Variants in CDH23 observed in about 807,000 individuals in gnomAD.
CDH23 encodes the protein cadherin related 23.
A neutral mutation model predicts 317.1 loss-of-function variants in CDH23; 189 were observed. The ratio of observed to expected loss-of-function variants is 0.60; its 90% CI spans 0.53 to 0.67. The LOEUF is 0.67. CDH23 is among the 30% of genes least tolerant of loss of function. CDH23 has a pLI of 0.00. For synonymous variants in CDH23, 1,839 were observed against 1,876.8 expected (o/e 0.98, Z 0.52); for missense variants, 4,401 against 4,592.4 (o/e 0.96, Z 1.20).
chr10:71,553,807 G>T (rs1030396343), intron 6 of CDH23, among the ~76,000 whole-genome samples: 1 of 152,242 alleles, frequency 6.6e-6, no homozygotes, highest in Non-Finnish European at 1.5e-5. Context: ...ATAGATCTGG[G>T]TACAAAGAGC....
chr10:71,800,598 A>C, intron 52 of CDH23, 38 bp from the exon 53 acceptor site: 1 of 1,603,606 alleles, frequency 6.2e-7, no homozygotes, highest in Non-Finnish European at 8.5e-7. Context: ...ATATCTTTTG[A>C]ATGATTGAAG....
At chr10:71,496,714 A>G (rs970770130) in intron 3 of CDH23, among the ~76,000 whole-genome samples, 1 of 152,196 alleles carries the variant, frequency 6.6e-6, no homozygotes, top group African/African-American at 2.4e-5. Context: ...AGAAATCATC[A>G]AGACCCTGGA....
chr10:71,779,193 A>T, intron 40 of CDH23, 74 bp from the exon 41 acceptor site: 1 of 1,411,568 alleles, frequency 7.1e-7, no homozygotes, highest in Admixed American at 1.8e-5. Flanking sequence ...GGTCCATTTC[A>T]CAGAGGAAGG....
intron 45 of CDH23, among the ~76,000 whole-genome samples, chr10:71,789,483 C>A (rs530399791): frequency 2.0e-5 from 3 of 152,244 alleles, no homozygotes; most frequent in South Asian, 4.1e-4. Flanking sequence ...AGCCCTCTCC[C>A]CACACACATG....
At chr10:71,596,617 C>T (rs1859865710) in intron 9 of CDH23, among the ~76,000 whole-genome samples, 1 of 152,188 alleles carries the variant, frequency 6.6e-6, no homozygotes, top group Non-Finnish European at 1.5e-5. Flanking sequence ...CACGCCAGGA[C>T]CCCTCTCCCT....
At chr10:71,741,633 G>A in intron 37 of CDH23, 61 bp from the exon 38 acceptor site, 1 of 1,448,200 alleles carries the variant, frequency 6.9e-7, no homozygotes, top group Non-Finnish European at 9.5e-7. Context: ...ACAGGAGCAG[G>A]TGCCAGACTG....
chr10:71,795,530 A>G (rs1012235214), intron 48 of CDH23: 1 of 151,140 alleles, frequency 6.6e-6, no homozygotes, highest in African/African-American at 2.5e-5. Context: ...TTTTCTTTCC[A>G]GTGTCTTCTC....
chr10:71,659,543 G>A (rs1442079578), intron 14 of CDH23, among the ~76,000 whole-genome samples: 1 of 152,160 alleles, frequency 6.6e-6, no homozygotes, highest in Non-Finnish European at 1.5e-5. Context: ...TTCTGGAGTG[G>A]CTCAAAGTTC....
intron 8 of CDH23, among the ~76,000 whole-genome samples, chr10:71,572,741 A>G (rs1267012681): frequency 6.6e-6 from 1 of 152,162 alleles, no homozygotes; most frequent in Non-Finnish European, 1.5e-5. Context: ...CAACCCTGGT[A>G]GAATTAACTC....
chr10:71,709,052 G>A lies in CDH23; in HGVS notation c.3107-46G>A, dbSNP rs377225638. ...AGCAGAGTCCCCGCTTCCCCTGGCC[G>A]GGAGCTCTGTTTCCCAGCCGGAAGC... On this transcript the variant is annotated intron_variant, in intron 26 of 69. Coordinates refer to ENST00000224721, the MANE Select transcript of CDH23 (RefSeq NM_022124.6). 9.8e-5 allele frequency: 153 copies of A among 1,568,392 alleles called. 1 individual carries two copies. The highest frequency in any genetic ancestry group is 5.9e-4 in the Middle Eastern group (3 of 5,108).
At chr10:71,497,830 G>C (rs540942890) in intron 3 of CDH23, among the ~76,000 whole-genome samples, 7 of 152,168 alleles carry the variant, frequency 4.6e-5, no homozygotes, top group Non-Finnish European at 1.0e-4. Context: ...GGGCCACCCA[G>C]CCCTGTTTTC....
chr10:71,500,764 CTTTTCTTTTCTTT>C (rs1853250795), intron 3 of CDH23, among the ~76,000 whole-genome samples: 3 of 32,208 alleles, frequency 9.3e-5, no homozygotes, highest in Admixed American at 6.6e-4. Context: ...AGCCTGTTTT[CTTTTCTTTTCTTT>C]TCTTTTCTTT....
At position 71,793,283 on chromosome 10, in the gene CDH23, C is replaced by T; in HGVS notation, c.6355C>T (p.His2119Tyr). 6.2e-7 allele frequency: 1 copy of T among 1,613,968 alleles called. No individual in the cohort carries two copies. The highest frequency in any genetic ancestry group is 8.5e-7 in the Non-Finnish European group (1 of 1,179,886). Residue 2119 changes from histidine to tyrosine, a missense_variant, in exon 48 of 70, where the codon CAT becomes TAT. Transcript: ENST00000224721. Reference protein sequence around the residue: ...EAGAQDRFLIHLVTGVIRVGN... With the variant: ...EAGAQDRFLIYLVTGVIRVGN... ...TGGGGCTCAGGACCGCTTCCTCATT[C>T]ATCTGGTCACCGGGGTCATCCGTGT...
chr10:71,421,827 C>T (rs984868067), intron 1 of CDH23, among the ~76,000 whole-genome samples: 2 of 148,156 alleles, frequency 1.3e-5, no homozygotes, highest in South Asian at 2.1e-4. Flanking sequence ...TGTGAGGAAG[C>T]GTGTGTGTGT....
chr10:71,756,164 C>A (rs929012244), intron 38 of CDH23, among the ~76,000 whole-genome samples: 1 of 152,060 alleles, frequency 6.6e-6, no homozygotes, highest in African/African-American at 2.4e-5. Flanking sequence ...AAAAAAAGTA[C>A]AAGTTTAAAA....
intron 14 of CDH23, among the ~76,000 whole-genome samples, chr10:71,652,405 C>T (rs1017705011): frequency 6.6e-6 from 1 of 152,238 alleles, no homozygotes; most frequent in African/African-American, 2.4e-5. Context: ...GCGCAGCCTG[C>T]AGTGCTGGGT....
chr10:71,574,094 C>T (rs1857998992), intron 8 of CDH23, among the ~76,000 whole-genome samples: 1 of 152,150 alleles, frequency 6.6e-6, no homozygotes. Context: ...TTCTGCCTCC[C>T]AGGCCAGAGG....
At chr10:71,479,121 C>T (rs1851937944) in intron 3 of CDH23, among the ~76,000 whole-genome samples, 1 of 151,946 alleles carries the variant, frequency 6.6e-6, no homozygotes, top group Non-Finnish European at 1.5e-5. Flanking sequence ...AGATGAGGCT[C>T]AGAGAGGTTA....
At position 71,666,348 on chromosome 10, in the gene CDH23, G is replaced by A. The variant is rs553776327; in HGVS notation, c.1450-8764G>A. ...CTCCCTGGTACCATTGCCAACCCAG[G>A]ACGTGTACTCTCTTATCCGTCACAC... is the stretch of plus-strand genomic sequence containing the variant. On this transcript the variant is annotated intron_variant, in intron 14 of 69. Transcript: ENST00000224721. Among the ~76,000 whole-genome samples the A allele has an allele frequency of 7.9e-5, 12 of 152,024 alleles. No individual in the cohort carries two copies. The South Asian group carries it at 2.5e-3, about 32-fold the overall frequency.
Sources: gnomAD v4.1 joint callset for allele counts (sites outside exome capture counted in the v4.1 genomes callset) on GRCh38, gnomAD v4.1.1 for gene constraint, MANE v1.5 for transcripts, NCBI Gene and HGNC (gene_info 2026-07-23, HGNC 2026-07-21) for gene names.